The following PHACTR4 variants were observed in gnomAD, a reference collection of about 807,000 sequenced individuals.
PHACTR4 encodes phosphatase and actin regulator 4, also known as protein phosphatase 1, regulatory subunit 124.
In PHACTR4, 51 loss-of-function variants were observed where a neutral mutation model predicts 72.7. That is an observed-to-expected ratio of 0.70 (90% CI 0.56 to 0.89). The LOEUF (loss-of-function observed/expected upper bound fraction) is 0.89, where lower values mean the gene tolerates loss of function less well. Ranked by LOEUF, PHACTR4 falls within the 40% of genes least tolerant of loss-of-function variation. The pLI, the probability that PHACTR4 is intolerant of heterozygous loss-of-function variation, is 0.00. For missense variants in PHACTR4, 731 were observed against 861.8 expected (o/e 0.85, Z 1.90); for synonymous variants, 255 against 302.5 (o/e 0.84, Z 1.63).
At position 28,416,375 on chromosome 1, in the gene PHACTR4, T is replaced by C. The variant is rs115393368; in HGVS notation, c.16+8912T>C. Among the ~76,000 whole-genome samples, 583 of 152,300 alleles carry C rather than the reference T, an allele frequency of 3.8e-3. 5 individuals are homozygous for C. The highest frequency in any genetic ancestry group is 0.014 in the African/African-American group (567 of 41,546). ...CCCAGTAGTAAACACACAATACATA[T>C]CTGTATGTGTTTCTTCCAGTGGTTT... On this transcript the variant is annotated intron_variant, in intron 2 of 13. Transcript: ENST00000373839.
chr1:28,467,007 G>A (rs2124486235), intron 6 of PHACTR4: 1 of 443,994 alleles, frequency 2.3e-6, no homozygotes, highest in Non-Finnish European at 4.0e-6. Flanking sequence ...AAGGTCAGGA[G>A]ATTGAGACCA....
At chr1:28,407,552 T>G in intron 2 of PHACTR4, 89 bp downstream of exon 2, 2 of 1,159,502 alleles carry the variant, frequency 1.7e-6, no homozygotes, top group Non-Finnish European at 2.5e-6. Flanking sequence ...TGGTTTTTTT[T>G]CATATTCAGT....
chr1:28,370,923 TA>T (rs959793499), intron 1 of PHACTR4, among the ~76,000 whole-genome samples: 5 of 148,254 alleles, frequency 3.4e-5, no homozygotes, highest in Admixed American at 1.4e-4. Flanking sequence ...GACCCCATCT[TA>T]AAAAAAAAAG....
chr1:28,449,356 AAAAT>A (rs1321438830), intron 2 of PHACTR4, among the ~76,000 whole-genome samples: 1 of 152,150 alleles, frequency 6.6e-6, no homozygotes, highest in Non-Finnish European at 1.5e-5. Context: ...TATGTATAAT[AAAAT>A]AAATAATTGG....
chr1:28,456,912 G>GAGAC (rs1017682955), intron 2 of PHACTR4, among the ~76,000 whole-genome samples: 8 of 59,974 alleles, frequency 1.3e-4, no homozygotes, highest in African/African-American at 3.7e-4. Flanking sequence ...AATAGATAGA[G>GAGAC]AGACAGATAG....
intron 2 of PHACTR4, among the ~76,000 whole-genome samples, chr1:28,439,175 C>A (rs1656826330): frequency 6.6e-6 from 1 of 151,608 alleles, no homozygotes; most frequent in Non-Finnish European, 1.5e-5. Flanking sequence ...TAAGTATAAG[C>A]AAAACTAGGG....
chr1:28,415,887 TA>T (rs1389317825), intron 2 of PHACTR4, among the ~76,000 whole-genome samples: 1 of 152,246 alleles, frequency 6.6e-6, no homozygotes, highest in Non-Finnish European at 1.5e-5. Context: ...TATTATTTCC[TA>T]AACAAAGTCA....
intron 2 of PHACTR4, among the ~76,000 whole-genome samples, chr1:28,440,502 TCTC>T (rs1283206352): frequency 2.1e-5 from 3 of 141,620 alleles, no homozygotes; most frequent in African/African-American, 7.9e-5. Context: ...TTCACGCCAT[TCTC>T]CTGCCTCAGC....
At chr1:28,454,686 A>G (rs918407427) in intron 2 of PHACTR4, among the ~76,000 whole-genome samples, 1 of 152,164 alleles carries the variant, frequency 6.6e-6, no homozygotes, top group Admixed American at 6.5e-5. Context: ...TAATTGGCAT[A>G]TTTAGAACAC....
chr1:28,441,776 C>G (rs1398351662), intron 2 of PHACTR4, among the ~76,000 whole-genome samples: 1 of 152,186 alleles, frequency 6.6e-6, no homozygotes, highest in African/African-American at 2.4e-5. Context: ...AGGAGAATCA[C>G]TTGAGTCCAG....
In PHACTR4 at chr1:28,496,814, A is replaced by C; in HGVS notation, c.*265A>C. ...GAGTTTTTCCCTTACTGGCCACCAA[A>C]GTTCTGAACCACTTGCAGGTTCCAG... On this transcript the variant is annotated 3_prime_UTR_variant, in exon 14 of 14. Coordinates refer to ENST00000373839, the MANE Select transcript of PHACTR4 (RefSeq NM_001048183.3). 1.8e-6 allele frequency: 1 copy of C among 545,508 alleles called. No individual in the cohort carries two copies. The highest frequency in any genetic ancestry group is 3.3e-6 in the Non-Finnish European group (1 of 304,098). The allele number at this position is 545,508 out of a possible 1,614,324, so 33.8% of individuals were successfully genotyped here.
intron 2 of PHACTR4, among the ~76,000 whole-genome samples, chr1:28,421,876 A>C (rs892434633): frequency 5.3e-5 from 8 of 152,356 alleles, no homozygotes; most frequent in African/African-American, 1.9e-4. Flanking sequence ...TCCGGGATAC[A>C]TGGCTTAATG....
intron 2 of PHACTR4, among the ~76,000 whole-genome samples, chr1:28,421,305 T>C (rs1655493604): frequency 6.6e-6 from 1 of 152,080 alleles, no homozygotes; most frequent in Non-Finnish European, 1.5e-5. Context: ...GAGGCTTCCA[T>C]TGAATGAAAG....
At position 28,458,108 on chromosome 1, in the gene PHACTR4, T is replaced by G. The variant is rs77827180; in HGVS notation, c.17-977T>G. Among the ~76,000 whole-genome samples, 157 of 120,308 alleles carry G rather than the reference T, an allele frequency of 1.3e-3. 2 individuals carry two copies. The highest frequency in any genetic ancestry group is 3.9e-3 in the Middle Eastern group (1 of 256). 78.9% of individuals were successfully genotyped at this position (120,308 alleles called of 152,430 possible). On this transcript the variant is annotated intron_variant, in intron 2 of 13. Coordinates refer to ENST00000373839, the MANE Select transcript of PHACTR4 (RefSeq NM_001048183.3). ...ATCCTTAATATTATGGTGTGTGTGTTTGTGTGTGTGTGTGTGTGTGTGTGT... is the reference window on the plus strand; with the variant it reads ...ATCCTTAATATTATGGTGTGTGTGTGTGTGTGTGTGTGTGTGTGTGTGTGT...
At chr1:28,373,547 C>T (rs1407449608) in intron 1 of PHACTR4, among the ~76,000 whole-genome samples, 1 of 152,172 alleles carries the variant, frequency 6.6e-6, no homozygotes, top group Non-Finnish European at 1.5e-5. Context: ...ACCTCAGCCT[C>T]CCAAAGTTCT....
chr1:28,444,145 C>T (rs981904653), intron 2 of PHACTR4, among the ~76,000 whole-genome samples: 2 of 149,996 alleles, frequency 1.3e-5, no homozygotes, highest in African/African-American at 4.9e-5. Flanking sequence ...GAGATGATAC[C>T]TCATTGTGGT....
Position 28,474,047 on chromosome 1 carries a change from C to G in PHACTR4, c.1317C>G (p.His439Gln). ...LPMTPILEGS[H>Q]RAHSLLFENS... ...TGACTCCTATTCTGGAGGGTTCTCA[C>G]AGAGCTCATTCGTTGCTTTTTGAAA... Residue 439 changes from histidine (H) to glutamine (Q), a missense_variant, in exon 7 of 14, where the codon CAC becomes CAG. This residue lies in a region of PHACTR4 where 621 missense variants were observed against 676.6 expected (regional missense o/e 0.92). Transcript: ENST00000373839. 6.2e-7 allele frequency: 1 copy of G among 1,614,216 alleles called. No homozygotes were observed. The highest frequency in any genetic ancestry group is 1.3e-5 in the African/African-American group (1 of 75,044).
Position 28,487,727 on chromosome 1 carries a change from G to GTTTTTTTTTT in PHACTR4, c.1761-1426_1761-1417dup, listed in dbSNP as rs780028378. 1.2e-3 allele frequency among the ~76,000 whole-genome samples: 75 copies of GTTTTTTTTTT among 63,288 alleles called. 3 individuals carry two copies. Among genetic ancestry groups the GTTTTTTTTTT allele is most frequent in the African/African-American group, 1.5e-3 (27 of 17,964 alleles). The allele number at this position is 63,288 out of a possible 152,430, so 41.5% of individuals were successfully genotyped here. ...AAATGACAAATTGTAGTTTTTTGTT[G>GTTTTTTTTTT]TTTTTTTTTTTTTTTTTTTTTTTTT... On this transcript the variant is annotated intron_variant, in intron 9 of 13. Transcript: ENST00000373839.
intron 1 of PHACTR4, among the ~76,000 whole-genome samples, chr1:28,389,054 G>C (rs1652797031): frequency 6.6e-6 from 1 of 152,100 alleles, no homozygotes; most frequent in Non-Finnish European, 1.5e-5. Flanking sequence ...CACAGCAAGG[G>C]AAACAACAGA....
Sources: gnomAD v4.1 joint callset for allele counts (sites outside exome capture counted in the v4.1 genomes callset) on GRCh38, gnomAD v4.1.1 for gene constraint, gnomAD v4.1.1 regional missense constraint, MANE v1.5 for transcripts, NCBI Gene and HGNC (gene_info 2026-07-23, HGNC 2026-07-21) for gene names.